Variants in CRPPA observed in about 807,000 individuals in gnomAD.
CRPPA encodes the protein CDP-L-ribitol pyrophosphorylase A.
A neutral mutation model predicts 52.0 loss-of-function variants in CRPPA; 43 were observed. That is an observed-to-expected ratio of 0.83 (90% CI 0.65 to 1.07). CRPPA has a LOEUF of 1.07. Ranked by LOEUF, CRPPA falls within the 50% of genes least tolerant of loss-of-function variation. The probability of loss-of-function intolerance (pLI) is 0.00; values close to 1 mark genes in which losing one functional copy is unlikely to be tolerated. For synonymous variants in CRPPA, 250 were observed against 203.5 expected (o/e 1.23, Z -1.94); for missense variants, 629 against 551.7 (o/e 1.14, Z -1.40).
intron 9 of CRPPA, among the ~76,000 whole-genome samples, chr7:16,206,864 G>C (rs747618919): frequency 3.3e-5 from 5 of 152,076 alleles, no homozygotes; most frequent in African/African-American, 1.2e-4. Flanking sequence ...TTTCTAAACA[G>C]CATTAGCACA....
Position 16,379,223 on chromosome 7 carries a change from G to C in CRPPA, c.535-2982C>G, listed in dbSNP as rs1174290059. Among the ~76,000 whole-genome samples the C allele has an allele frequency of 2.6e-5, 4 of 152,102 alleles. No homozygotes were observed. The East Asian group carries it at 7.7e-4, about 29-fold the overall frequency. On this transcript the variant is annotated intron_variant, in intron 2 of 9. Transcript: ENST00000407010. ...ATGGTAATGCCTAGGTTTTCTTCTA[G>C]GGTTTTTATGGTTTTAGGTCTAACG...
chr7:16,399,462 C>G (rs970717935), intron 2 of CRPPA, among the ~76,000 whole-genome samples: 2 of 151,686 alleles, frequency 1.3e-5, no homozygotes, highest in African/African-American at 4.9e-5. Context: ...GTGACTGATA[C>G]GAGATTGACA....
intron 2 of CRPPA, among the ~76,000 whole-genome samples, chr7:16,394,157 G>C (rs1395171053): frequency 6.6e-6 from 1 of 152,074 alleles, no homozygotes; most frequent in Non-Finnish European, 1.5e-5. Flanking sequence ...CAGAACTGTA[G>C]AGAAATCCTT....
At chr7:16,378,903 C>T (rs1262616246) in intron 2 of CRPPA, among the ~76,000 whole-genome samples, 25 of 152,036 alleles carry the variant, frequency 1.6e-4, no homozygotes, top group Middle Eastern at 3.4e-3. Flanking sequence ...GCTGCATAAA[C>T]GTCTTCTTTT....
chr7:16,315,009 G>A (rs1213613041), intron 3 of CRPPA, among the ~76,000 whole-genome samples: 1 of 151,976 alleles, frequency 6.6e-6, no homozygotes, highest in Non-Finnish European at 1.5e-5. Context: ...TTATATGTGT[G>A]TTATGTGTTT....
intron 2 of CRPPA, among the ~76,000 whole-genome samples, chr7:16,386,422 T>A (rs565115904): frequency 5.5e-4 from 84 of 152,312 alleles, no homozygotes; most frequent in African/African-American, 2.0e-3. Context: ...CAGGAAAGTC[T>A]GTTCCCATTT....
intron 9 of CRPPA, among the ~76,000 whole-genome samples, chr7:16,169,958 T>C (rs1203498063): frequency 1.3e-5 from 2 of 152,212 alleles, no homozygotes; most frequent in Non-Finnish European, 2.9e-5. Flanking sequence ...ATACTGAGTT[T>C]AGGAAGCTCT....
At position 16,342,564 on chromosome 7, in the gene CRPPA, G is replaced by C. The variant is rs1308450078; in HGVS notation, c.684+33528C>G. On this transcript the variant is annotated intron_variant, in intron 3 of 9. Coordinates refer to ENST00000407010, the MANE Select transcript of CRPPA (RefSeq NM_001101426.4). ...GTAAAAGTCAATAACGAAGCTTTGT[G>C]TATTTGGCTCTTATTTCATGTTGAT... Among the ~76,000 whole-genome samples the C allele has an allele frequency of 3.3e-5, 5 of 151,396 alleles. No individual in the cohort carries two copies. In the East Asian group the frequency reaches 9.7e-4, roughly 29 times the overall value.
At chr7:16,378,730 G>A (rs1261917745) in intron 2 of CRPPA, among the ~76,000 whole-genome samples, 1 of 151,104 alleles carries the variant, frequency 6.6e-6, no homozygotes, top group African/African-American at 2.4e-5. Flanking sequence ...CCCACCAACA[G>A]TGTAAAAGTG....
intron 3 of CRPPA, among the ~76,000 whole-genome samples, chr7:16,330,185 G>T (rs1042081533): frequency 2.0e-4 from 30 of 152,120 alleles, no homozygotes; most frequent in Non-Finnish European, 5.9e-5. Flanking sequence ...TATTCTTAAA[G>T]TTCTAAGACA....
intron 2 of CRPPA, among the ~76,000 whole-genome samples, chr7:16,387,045 ATAT>A (rs1255078198): frequency 3.1e-4 from 2 of 6,518 alleles, no homozygotes; most frequent in Non-Finnish European, 5.2e-4. Context: ...TAAAAAAAAG[ATAT>A]ATATATATAT....
chr7:16,308,874 A>AT (rs1301643809), intron 3 of CRPPA, among the ~76,000 whole-genome samples: 5 of 152,118 alleles, frequency 3.3e-5, no homozygotes, highest in African/African-American at 1.2e-4. Flanking sequence ...GAGTTTTGAG[A>AT]TTCCTCAGTA....
chr7:16,193,849 G>C (rs1199340635), intron 9 of CRPPA, among the ~76,000 whole-genome samples: 1 of 152,010 alleles, frequency 6.6e-6, no homozygotes, highest in Admixed American at 6.6e-5. Flanking sequence ...AATTCAATGG[G>C]TATTGTTTCC....
At chr7:16,267,322 C>A (rs1395595235) in intron 6 of CRPPA, among the ~76,000 whole-genome samples, 1 of 152,138 alleles carries the variant, frequency 6.6e-6, no homozygotes, top group Non-Finnish European at 1.5e-5. Flanking sequence ...ATTTCAATGT[C>A]TATGGGAATT....
chr7:16,204,779 T>A (rs1583427186), intron 9 of CRPPA, among the ~76,000 whole-genome samples: 1 of 152,166 alleles, frequency 6.6e-6, no homozygotes, highest in Non-Finnish European at 1.5e-5. Flanking sequence ...TAGAGATAGT[T>A]CCCTGTCTTC....
chr7:16,353,357 A>G (rs1056664815), intron 3 of CRPPA, among the ~76,000 whole-genome samples: 8 of 152,074 alleles, frequency 5.3e-5, no homozygotes, highest in Non-Finnish European at 1.2e-4. Context: ...GTCTCTAAAC[A>G]TTAAGTAAAA....
In CRPPA at chr7:16,160,854, G is replaced by C. The variant is rs186133967; in HGVS notation, c.1251+55212C>G. Reference sequence around the variant, plus strand: ...TCATTTCTTTGAGCAGTGGCTTGTAGTTCTCCTTGAAGAGGTCCTTCACAT... The same window carrying C: ...TCATTTCTTTGAGCAGTGGCTTGTACTTCTCCTTGAAGAGGTCCTTCACAT... On this transcript the variant is annotated intron_variant, in intron 9 of 9. Coordinates refer to ENST00000407010, the MANE Select transcript of CRPPA (RefSeq NM_001101426.4). Among the ~76,000 whole-genome samples the C allele has an allele frequency of 3.3e-5, 5 of 152,262 alleles. No individual in the cohort carries two copies. In the East Asian group the frequency reaches 9.6e-4, roughly 29 times the overall value.
intron 3 of CRPPA, among the ~76,000 whole-genome samples, chr7:16,327,141 C>T (rs181909104): frequency 2.6e-5 from 4 of 152,136 alleles, no homozygotes; most frequent in Admixed American, 1.3e-4. Context: ...CTCAAACAAA[C>T]AGTTCTTTTG....
chr7:16,302,836 T>A (rs1266049734), intron 4 of CRPPA, among the ~76,000 whole-genome samples: 1 of 95,054 alleles, frequency 1.1e-5, no homozygotes, highest in Non-Finnish European at 2.9e-5. Flanking sequence ...CAGGACTGAT[T>A]TTTTTAAGTA....
Sources: gnomAD v4.1 joint callset for allele counts (sites outside exome capture counted in the v4.1 genomes callset) on GRCh38, gnomAD v4.1.1 for gene constraint, MANE v1.5 for transcripts, NCBI Gene and HGNC (gene_info 2026-07-23, HGNC 2026-07-21) for gene names.